STK10: variants seen among roughly 807,000 people sequenced by gnomAD.
STK10 encodes serine/threonine-protein kinase 10.
In STK10, 78 loss-of-function variants were observed where a neutral mutation model predicts 113.8. That is an observed-to-expected ratio of 0.69 (90% CI 0.57 to 0.83). STK10 has a LOEUF of 0.83. Among genes scored for constraint, STK10 ranks in the 40% least tolerant of loss-of-function variants. The pLI is 0.00. For missense variants in STK10, 1,109 were observed against 1,280.1 expected (o/e 0.87, Z 2.04); for synonymous variants, 465 against 494.7 (o/e 0.94, Z 0.80).
chr5:172,148,356 G>A (rs1335494332), intron 2 of STK10, among the ~76,000 whole-genome samples: 1 of 152,156 alleles, frequency 6.6e-6, no homozygotes, highest in Non-Finnish European at 1.5e-5. Context: ...TACTAATGCA[G>A]GGGAAGGACA....
intron 3 of STK10, among the ~76,000 whole-genome samples, chr5:172,118,878 C>CAAAAAAAA (rs3028101): frequency 0.067 from 4,734 of 70,718 alleles, 350 homozygotes; most frequent in East Asian, 0.098. Context: ...GACTCAGTCT[C>CAAAAAAAA]AAAAAAAAAA....
intron 10 of STK10, among the ~76,000 whole-genome samples, chr5:172,086,772 G>A (rs1299072789): frequency 2.6e-5 from 4 of 152,148 alleles, no homozygotes; most frequent in African/African-American, 7.2e-5. Flanking sequence ...TCCAGACCAC[G>A]GCAGGCAAGC....
At chr5:172,077,023 A>C (rs1031412892) in intron 12 of STK10, among the ~76,000 whole-genome samples, 5 of 152,226 alleles carry the variant, frequency 3.3e-5, no homozygotes, top group Non-Finnish European at 5.9e-5. Context: ...GGACCACTTG[A>C]CAAAGGGGCA....
At chr5:172,063,647 C>T (rs1767981622) in intron 13 of STK10, 1 of 149,878 alleles carries the variant, frequency 6.7e-6, no homozygotes, top group East Asian at 1.9e-4. Flanking sequence ...CGTTCTCTTC[C>T]TAATCGTGCT....
At chr5:172,174,991 C>T (rs1017777600) in intron 1 of STK10, among the ~76,000 whole-genome samples, 1 of 152,144 alleles carries the variant, frequency 6.6e-6, no homozygotes, top group Admixed American at 6.6e-5. Context: ...TCTGGTATAG[C>T]CTGTTTTTTC....
At chr5:172,139,770 T>C (rs1164334593) in intron 2 of STK10, among the ~76,000 whole-genome samples, 1 of 151,780 alleles carries the variant, frequency 6.6e-6, no homozygotes, top group Non-Finnish European at 1.5e-5. Context: ...AAACTACAAA[T>C]TGTTGCCAAA....
At chr5:172,064,493 T>G (rs915211233) in intron 13 of STK10, 2 of 592,484 alleles carry the variant, frequency 3.4e-6, no homozygotes, top group African/African-American at 3.7e-5. Flanking sequence ...ATGTAAAGTG[T>G]TGGGGTATCC....
At chr5:172,148,973 T>G (rs1770148722) in intron 2 of STK10, among the ~76,000 whole-genome samples, 1 of 152,006 alleles carries the variant, frequency 6.6e-6, no homozygotes, top group Non-Finnish European at 1.5e-5. Flanking sequence ...ATCGCTTGAG[T>G]CCAGTAGTTG....
chr5:172,185,016 G>A (rs1561838644), intron 1 of STK10, among the ~76,000 whole-genome samples: 1 of 152,100 alleles, frequency 6.6e-6, no homozygotes, highest in Admixed American at 6.5e-5. Flanking sequence ...ACCAAGAGGA[G>A]ACAGTATCGA....
At chr5:172,131,053 T>TTG (rs1769745229) in intron 2 of STK10, among the ~76,000 whole-genome samples, 1 of 148,650 alleles carries the variant, frequency 6.7e-6, no homozygotes, top group Non-Finnish European at 1.5e-5. Context: ...TTTTTTTTTT[T>TTG]GACAGAGTCT....
chr5:172,149,495 CGTGTGTGTGTGTGTGT>C (rs3839238), intron 2 of STK10, among the ~76,000 whole-genome samples: 3 of 149,262 alleles, frequency 2.0e-5, no homozygotes, highest in Admixed American at 1.3e-4. Context: ...ACAAAGTGCT[CGTGTGTGTGTGTGTGT>C]GTGTGTGTGT....
intron 3 of STK10, among the ~76,000 whole-genome samples, chr5:172,119,720 C>T (rs1352339166): frequency 1.4e-5 from 2 of 145,900 alleles, no homozygotes; most frequent in Non-Finnish European, 3.0e-5. Context: ...AAAAATTAGC[C>T]GGGCGTAGTG....
intron 2 of STK10, among the ~76,000 whole-genome samples, chr5:172,151,296 ACCTG>A (rs1360402012): frequency 6.6e-6 from 1 of 151,880 alleles, no homozygotes; most frequent in Non-Finnish European, 1.5e-5. Context: ...CGGATTGCGA[ACCTG>A]CAGGCTTCAG....
intron 18 of STK10, 112 bp from the exon 19 acceptor site, chr5:172,045,134 G>T (rs1442235871): frequency 2.7e-6 from 4 of 1,465,594 alleles, no homozygotes; most frequent in Non-Finnish European, 3.7e-6. Context: ...TCCCTTCCAG[G>T]CCTCAGTGCT....
At chr5:172,091,919 A>G (rs529890443) in intron 9 of STK10, among the ~76,000 whole-genome samples, 9 of 152,308 alleles carry the variant, frequency 5.9e-5, no homozygotes, top group Non-Finnish European at 1.3e-4. Flanking sequence ...CCAGCGTGGC[A>G]GGTCTCTTGA....
At chr5:172,053,318 A>C in intron 17 of STK10, 1 of 357,910 alleles carries the variant, frequency 2.8e-6, no homozygotes, top group Non-Finnish European at 5.2e-6. Context: ...GCAAGAAGGC[A>C]GCTGTCCGCA....
chr5:172,071,819 A>C (rs1381389654), intron 12 of STK10, among the ~76,000 whole-genome samples: 3 of 152,098 alleles, frequency 2.0e-5, no homozygotes, highest in African/African-American at 4.8e-5. Flanking sequence ...TAACTTTCAA[A>C]ATATTATTTT....
intron 1 of STK10, among the ~76,000 whole-genome samples, chr5:172,161,314 G>A (rs148783099): frequency 5.3e-5 from 8 of 152,070 alleles, no homozygotes; most frequent in Admixed American, 2.0e-4. Context: ...TTAGCCAGGC[G>A]TGGTGGTGAC....
At chr5:172,142,992 C>A (rs1208191560) in intron 2 of STK10, among the ~76,000 whole-genome samples, 3 of 152,184 alleles carry the variant, frequency 2.0e-5, no homozygotes, top group Admixed American at 1.3e-4. Context: ...GATAAGGAAG[C>A]CAGGATGTCC....
Sources: allele counts gnomAD v4.1 joint callset (sites outside exome capture counted in the v4.1 genomes callset), GRCh38; gene constraint gnomAD v4.1.1; transcripts MANE v1.5; gene names NCBI Gene and HGNC (gene_info 2026-07-23, HGNC 2026-07-21).